MAF: variants seen among roughly 807,000 people sequenced by gnomAD.
The protein encoded by MAF is MAF bZIP transcription factor.
MAF carries 10 observed loss-of-function variants against 22.0 expected under a neutral mutation model. The ratio of observed to expected loss-of-function variants is 0.45; its 90% CI spans 0.28 to 0.77. MAF has a LOEUF of 0.77. MAF is among the 30% of genes least tolerant of loss of function. MAF has a pLI of 0.12. For missense variants in MAF, 544 were observed against 548.4 expected, an observed-to-expected ratio of 0.99 and a Z score of 0.08; for synonymous variants, 337 against 255.8, an observed-to-expected ratio of 1.32 and a Z score of -3.03.
chr16:79,382,601 T>G, the MAF span, among the ~76,000 whole-genome samples: 1 of 152,218 alleles, frequency 6.6e-6, no homozygotes, highest in African/African-American at 2.4e-5. Flanking sequence ...TGAACGCAGC[T>G]ATTGACGAAA....
the MAF span, among the ~76,000 whole-genome samples, chr16:79,389,976 C>CAAAAAA: frequency 9.5e-5 from 6 of 62,944 alleles, no homozygotes; most frequent in African/African-American, 1.4e-4. Flanking sequence ...GACTCCATCT[C>CAAAAAA]AAAAAAAAAA....
At chr16:79,304,313 T>A in the MAF span, among the ~76,000 whole-genome samples, 1 of 152,178 alleles carries the variant, frequency 6.6e-6, no homozygotes, top group South Asian at 2.1e-4. Context: ...GCTGATCCTG[T>A]AACACGGGCT....
At chr16:79,345,648 A>C in the MAF span, among the ~76,000 whole-genome samples, 1 of 140,170 alleles carries the variant, frequency 7.1e-6, no homozygotes, top group Non-Finnish European at 1.5e-5. Context: ...GAAGTGCTTG[A>C]ACCTCGTAGG....
At chr16:79,551,007 C>A in the MAF span, among the ~76,000 whole-genome samples, 1 of 152,142 alleles carries the variant, frequency 6.6e-6, no homozygotes, top group African/African-American at 2.4e-5. Context: ...CAGCAGAGAT[C>A]CCCCGCATGG....
chr16:79,571,227 CA>C, the MAF span, among the ~76,000 whole-genome samples: 12 of 152,164 alleles, frequency 7.9e-5, no homozygotes, highest in African/African-American at 2.6e-4. Flanking sequence ...CTTAGTGTCC[CA>C]GGGGGATGAG....
the MAF span, among the ~76,000 whole-genome samples, chr16:79,501,816 T>C: frequency 6.6e-6 from 1 of 152,162 alleles, no homozygotes; most frequent in Non-Finnish European, 1.5e-5. Flanking sequence ...AAAGAAAACT[T>C]CCATTATATT....
chr16:79,270,385 G>A, the MAF span, among the ~76,000 whole-genome samples: 1 of 152,132 alleles, frequency 6.6e-6, no homozygotes, highest in East Asian at 1.9e-4. Context: ...GCCAAGGGCA[G>A]AGGAGCATGT....
the MAF span, among the ~76,000 whole-genome samples, chr16:79,423,818 G>C: frequency 6.6e-6 from 1 of 152,128 alleles, no homozygotes; most frequent in Middle Eastern, 3.4e-3. Context: ...ACCTAACCTA[G>C]CCTCCACCTT....
At chr16:79,216,016 C>A in the MAF span, among the ~76,000 whole-genome samples, 1 of 152,186 alleles carries the variant, frequency 6.6e-6, no homozygotes, top group East Asian at 1.9e-4. Flanking sequence ...TTGGCTATTT[C>A]TGTGATAAAT....
the MAF span, among the ~76,000 whole-genome samples, chr16:79,216,893 G>C: frequency 2.6e-4 from 39 of 151,194 alleles, no homozygotes; most frequent in African/African-American, 7.3e-4. Context: ...CACTGCCACA[G>C]CCACCTCCGG....
the MAF span, chr16:79,206,598 G>C: frequency 7.3e-4 from 111 of 152,288 alleles, no homozygotes; most frequent in African/African-American, 2.6e-3. Context: ...AATAGTACTC[G>C]TTGGCTACAA....
chr16:79,414,768 A>T, the MAF span, among the ~76,000 whole-genome samples: 1 of 152,248 alleles, frequency 6.6e-6, no homozygotes, highest in Non-Finnish European at 1.5e-5. Context: ...GAAAAACTGT[A>T]TTAGACTCTG....
chr16:79,559,032 G>T, the MAF span, among the ~76,000 whole-genome samples: 2 of 152,110 alleles, frequency 1.3e-5, no homozygotes, highest in African/African-American at 2.4e-5. Context: ...AATCTCGCCT[G>T]GTGGCTGTGT....
At chr16:79,433,825 C>T in the MAF span, among the ~76,000 whole-genome samples, 1 of 152,154 alleles carries the variant, frequency 6.6e-6, no homozygotes, top group African/African-American at 2.4e-5. Context: ...ATTAAAAATC[C>T]AGATTTTGTT....
the MAF span, among the ~76,000 whole-genome samples, chr16:79,331,290 G>A: frequency 1.1e-4 from 16 of 152,208 alleles, no homozygotes; most frequent in Admixed American, 9.2e-4. Flanking sequence ...TATACAGGCA[G>A]GAAGACTTGG....
chr16:79,346,869 T>C, the MAF span, among the ~76,000 whole-genome samples: 1 of 152,236 alleles, frequency 6.6e-6, no homozygotes, highest in Non-Finnish European at 1.5e-5. Context: ...AATTGGCAGA[T>C]GATGCTGTTA....
At chr16:79,543,220 C>T in the MAF span, among the ~76,000 whole-genome samples, 1 of 152,178 alleles carries the variant, frequency 6.6e-6, no homozygotes, top group South Asian at 2.1e-4. Flanking sequence ...AGGCGCGATC[C>T]ATGCTAGCTG....
rs1031757033 is a variant in MAF at position 79,599,417 on chromosome 16, G to A, written c.486C>T (p.Ala162=). ...CCGCGGCGATCACGGCGGACACCACGGCGGCGGCGGGGCCCATCTCCTCGC... is the reference window on the plus strand; with the variant it reads ...CCGCGGCGATCACGGCGGACACCACAGCGGCGGCGGGGCCCATCTCCTCGC... ...GSGEEMGPAA[A]VVSAVIAAAA... Residue 162 remains alanine (A), a synonymous_variant, in exon 1 of 2, where the codon GCC becomes GCT. Coordinates refer to ENST00000326043, the MANE Select transcript of MAF (RefSeq NM_005360.5). 9 of 1,165,676 alleles carry A rather than the reference G, an allele frequency of 7.7e-6. No homozygotes were observed. The African/African-American group carries it at 1.5e-4, about 19-fold the overall frequency. 72.2% of individuals were successfully genotyped at this position (1,165,676 alleles called of 1,614,324 possible).
the MAF span, among the ~76,000 whole-genome samples, chr16:79,273,780 C>A: frequency 1.3e-5 from 2 of 152,094 alleles, no homozygotes; most frequent in South Asian, 4.2e-4. Context: ...AGCTGATTAG[C>A]AAATTTAATT....
Sources: gnomAD v4.1 joint callset for allele counts (sites outside exome capture counted in the v4.1 genomes callset) on GRCh38, gnomAD v4.1.1 for gene constraint, MANE v1.5 for transcripts, NCBI Gene and HGNC (gene_info 2026-07-23, HGNC 2026-07-21) for gene names.